DNAJC2: variants seen among roughly 807,000 people sequenced by gnomAD.
DNAJC2 encodes DnaJ heat shock protein family (Hsp40) member C2.
A neutral mutation model predicts 94.0 loss-of-function variants in DNAJC2; 32 were observed. That is an observed-to-expected ratio of 0.34 (90% CI 0.26 to 0.46). The LOEUF (loss-of-function observed/expected upper bound fraction) is 0.46, where lower values mean the gene tolerates loss of function less well. DNAJC2 is among the 20% of genes least tolerant of loss of function. The probability of loss-of-function intolerance (pLI) is 1.00; values close to 1 mark genes in which losing one functional copy is unlikely to be tolerated. For synonymous variants in DNAJC2, 210 were observed against 229.7 expected (o/e 0.91, Z 0.77); for missense variants, 550 against 719.5 (o/e 0.76, Z 2.69).
intron 10 of DNAJC2, 97 bp downstream of exon 10, chr7:103,321,835 G>A (rs1042787668): frequency 1.9e-5 from 27 of 1,399,752 alleles, no homozygotes; most frequent in African/African-American, 1.0e-4. Flanking sequence ...GCGACAGAGC[G>A]AGACCCCATC....
chr7:103,342,470 T>C (rs568097797), intron 1 of DNAJC2, among the ~76,000 whole-genome samples: 6 of 152,040 alleles, frequency 3.9e-5, no homozygotes, highest in Middle Eastern at 3.4e-3. Flanking sequence ...CATGCCCAGC[T>C]AATTTTGTAT....
intron 3 of DNAJC2, chr7:103,329,275 C>T (rs1818866213): frequency 5.2e-6 from 1 of 191,738 alleles, no homozygotes; most frequent in Non-Finnish European, 1.1e-5. Context: ...TTGCTGTCTC[C>T]ATTTCATAGA....
intron 4 of DNAJC2, chr7:103,327,384 A>G (rs1050956196): frequency 1.7e-6 from 2 of 1,184,520 alleles, no homozygotes; most frequent in Non-Finnish European, 2.3e-6. Context: ...GGATCCTGTT[A>G]AAATGCAGAT....
intron 12 of DNAJC2, chr7:103,317,359 T>G (rs1164381459): frequency 9.4e-6 from 2 of 213,876 alleles, no homozygotes; most frequent in Non-Finnish European, 1.8e-5. Flanking sequence ...ATATTCACCC[T>G]TTCTGCAGAC....
intron 3 of DNAJC2, 74 bp downstream of exon 3, chr7:103,337,662 A>T: frequency 1.7e-6 from 2 of 1,193,378 alleles, no homozygotes; most frequent in Non-Finnish European, 2.5e-6. Flanking sequence ...ATGATACTGT[A>T]TATCTTTTAA....
chr7:103,313,784 A>T, intron 15 of DNAJC2: 1 of 984,636 alleles, frequency 1.0e-6, no homozygotes, highest in Non-Finnish European at 1.2e-6. Context: ...AGAAACAAAT[A>T]TGTTTCTTAA....
chr7:103,329,030 A>G, intron 3 of DNAJC2: 1 of 1,256,312 alleles, frequency 8.0e-7, no homozygotes, highest in Non-Finnish European at 1.0e-6. Flanking sequence ...CTTTTACCAC[A>G]GCCTCAGCCA....
intron 2 of DNAJC2, among the ~76,000 whole-genome samples, chr7:103,340,831 T>C (rs1038150009): frequency 1.3e-5 from 2 of 152,230 alleles, no homozygotes; most frequent in Admixed American, 6.5e-5. Flanking sequence ...TTTGGAGTCA[T>C]AGACCAATTT....
Position 103,312,659 on chromosome 7 carries a change from G to A in DNAJC2, c.1792-16C>T. On this transcript the variant is annotated splice_polypyrimidine_tract_variant and intron_variant, in intron 16 of 16. Coordinates refer to ENST00000379263, the MANE Select transcript of DNAJC2 (RefSeq NM_014377.3). The stretch of plus-strand genomic sequence containing the variant: ...CGACAAGTTCCTAGGAAGGGAGAAA[G>A]GTGTGATTTAAGAAGTTGCGATTTA... 6.2e-7 allele frequency: 1 copy of A among 1,608,602 alleles called. No homozygotes were observed. The highest frequency in any genetic ancestry group is 8.5e-7 in the Non-Finnish European group (1 of 1,178,636).
intron 1 of DNAJC2, among the ~76,000 whole-genome samples, chr7:103,343,003 T>C (rs915631892): frequency 5.9e-5 from 9 of 151,978 alleles, no homozygotes; most frequent in African/African-American, 2.2e-4. Context: ...ACTCAAACTA[T>C]CTTTTTATTT....
chr7:103,341,703 A>G, intron 2 of DNAJC2, 61 bp downstream of exon 2: 1 of 1,347,778 alleles, frequency 7.4e-7, no homozygotes, highest in Non-Finnish European at 1.0e-6. Flanking sequence ...GAAAACTCAT[A>G]AGAAAATTGT....
At chr7:103,314,567 T>C in intron 15 of DNAJC2, 2 of 985,372 alleles carry the variant, frequency 2.0e-6, no homozygotes, top group Non-Finnish European at 2.4e-6. Flanking sequence ...ACCTGTTGTA[T>C]TTTGTGGAGA....
At chr7:103,315,352 A>C (rs1347544745) in intron 15 of DNAJC2, among the ~76,000 whole-genome samples, 1 of 152,172 alleles carries the variant, frequency 6.6e-6, no homozygotes, top group African/African-American at 2.4e-5. Flanking sequence ...ACATACTTTG[A>C]ACCATAAGTT....
intron 2 of DNAJC2, 115 bp from the exon 3 acceptor site, chr7:103,337,926 G>A: frequency 1.4e-6 from 1 of 726,928 alleles, no homozygotes. Context: ...CAGGAGTCCA[G>A]TAAGAGGTTC....
At chr7:103,329,617 A>G (rs191047014) in intron 3 of DNAJC2, 2 of 152,304 alleles carry the variant, frequency 1.3e-5, no homozygotes, top group East Asian at 3.9e-4. Flanking sequence ...GAAAGTATCT[A>G]AACTTCTCAT....
In DNAJC2 at chr7:103,312,351, C is replaced by T; in HGVS notation, c.*218G>A. On this transcript the variant is annotated 3_prime_UTR_variant, in exon 17 of 17. Transcript: ENST00000379263. ...AAAAATAAAAATGAACATGTATATA[C>T]ATTTGGAAATTTGAATTAAATACTG... 3 of 1,573,208 alleles carry T rather than the reference C, an allele frequency of 1.9e-6. No homozygotes were observed. The highest frequency in any genetic ancestry group is 2.6e-6 in the Non-Finnish European group (3 of 1,167,604).
Position 103,316,086 on chromosome 7 carries a change from C to CA in DNAJC2, c.1429dup (p.Trp477LeufsTer6). ...GTTCATGTAATTAGCAATAACTTCC[C>CA]ATCTGATAGGATATATTATACAATA... On this transcript the variant is annotated frameshift_variant and splice_region_variant, in exon 14 of 17. Transcript: ENST00000379263. LOFTEE classifies it high-confidence loss of function. 1 of 1,557,366 alleles carries CA rather than the reference C, an allele frequency of 6.4e-7. No individual in the cohort carries two copies. Among genetic ancestry groups the CA allele is most frequent in the Non-Finnish European group, 8.7e-7 (1 of 1,146,076 alleles).
At chr7:103,325,676 C>T (rs1818666637) in intron 5 of DNAJC2, among the ~76,000 whole-genome samples, 1 of 152,058 alleles carries the variant, frequency 6.6e-6, no homozygotes, top group Non-Finnish European at 1.5e-5. Context: ...TTCCAATGTG[C>T]AGCCAAGATG....
At chr7:103,323,015 T>TAC (rs1818504149) in intron 7 of DNAJC2, among the ~76,000 whole-genome samples, 2 of 152,082 alleles carry the variant, frequency 1.3e-5, no homozygotes, top group Non-Finnish European at 2.9e-5. Context: ...TTGCAACCTC[T>TAC]GCCTCCCAGG....
Sources: gnomAD v4.1 joint callset for allele counts (sites outside exome capture counted in the v4.1 genomes callset) on GRCh38, gnomAD v4.1.1 for gene constraint, MANE v1.5 for transcripts, NCBI Gene and HGNC (gene_info 2026-07-23, HGNC 2026-07-21) for gene names.